Variants in SCNN1A observed in about 807,000 individuals in gnomAD.
SCNN1A encodes the protein sodium channel epithelial 1 subunit alpha.
A neutral mutation model predicts 68.6 loss-of-function variants in SCNN1A; 65 were observed. The ratio of observed to expected loss-of-function variants is 0.95; its 90% CI spans 0.78 to 1.16. The LOEUF is 1.16. Among genes scored for constraint, SCNN1A ranks in the 50% most tolerant of loss-of-function variants. The probability of loss-of-function intolerance (pLI) is 0.00; values close to 1 mark genes in which losing one functional copy is unlikely to be tolerated. For missense variants in SCNN1A, 880 were observed against 865.9 expected (o/e 1.02, Z -0.20); for synonymous variants, 357 against 353.3 (o/e 1.01, Z -0.12).
chr12:6,369,640 G>C (rs1191552719), intron 2 of SCNN1A, among the ~76,000 whole-genome samples: 1 of 152,108 alleles, frequency 6.6e-6, no homozygotes, highest in East Asian at 1.9e-4. Flanking sequence ...AGACCATCCT[G>C]GCTAACACGG....
intron 3 of SCNN1A, 58 bp downstream of exon 3, chr12:6,363,385 G>A (rs762959839): frequency 9.0e-4 from 1,290 of 1,435,602 alleles, no homozygotes; most frequent in Non-Finnish European, 1.1e-3. Context: ...GCCCATGGGT[G>A]GGCGGGGCCA....
At chr12:6,371,259 C>A (rs775463998) in intron 2 of SCNN1A, among the ~76,000 whole-genome samples, 85 of 152,012 alleles carry the variant, frequency 5.6e-4, no homozygotes, top group Middle Eastern at 6.8e-3. Flanking sequence ...GATTCACTCA[C>A]AGGGGCTCAT....
At chr12:6,363,350 G>GCGGGC in intron 3 of SCNN1A, 93 bp downstream of exon 3, 1 of 1,158,970 alleles carries the variant, frequency 8.6e-7, no homozygotes, top group Non-Finnish European at 1.2e-6. Flanking sequence ...ACTGGGCTGC[G>GCGGGC]CGGGCGGGTC....
intron 8 of SCNN1A, among the ~76,000 whole-genome samples, chr12:6,352,533 G>A (rs1308429930): frequency 6.6e-6 from 1 of 152,116 alleles, no homozygotes; most frequent in Non-Finnish European, 1.5e-5. Context: ...ACTCACAGAT[G>A]TGCAAACCCA....
chr12:6,362,692 T>C (rs988933774), intron 3 of SCNN1A, among the ~76,000 whole-genome samples: 1 of 151,794 alleles, frequency 6.6e-6, no homozygotes, highest in African/African-American at 2.4e-5. Flanking sequence ...TTCTTTCTTT[T>C]TTTTTGGCAG....
chr12:6,359,829 G>T (rs753221068), intron 4 of SCNN1A, among the ~76,000 whole-genome samples: 2 of 142,624 alleles, frequency 1.4e-5, no homozygotes, highest in Non-Finnish European at 3.0e-5. Flanking sequence ...GGAGTGCAGT[G>T]GTGCGATCTC....
chr12:6,347,780 G>T lies in SCNN1A; in HGVS notation c.*93C>A. ...TCAACGGCAGTTTGGGCGGCTCTGA[G>T]AGGAAGCCCTGCACATCCTTCAATC... is the stretch of plus-strand genomic sequence containing the variant. On this transcript the variant is annotated 3_prime_UTR_variant, in exon 13 of 13. Coordinates refer to ENST00000228916, the MANE Select transcript of SCNN1A (RefSeq NM_001038.6). The T allele has an allele frequency of 8.7e-7, 1 of 1,144,748 alleles. No individual in the cohort carries two copies. The highest frequency in any genetic ancestry group is 2.5e-5 in the East Asian group (1 of 39,808). 70.9% of individuals were successfully genotyped at this position (1,144,748 alleles called of 1,614,324 possible).
intron 3 of SCNN1A, 75 bp from the exon 4 acceptor site, chr12:6,362,316 T>G: frequency 7.7e-7 from 1 of 1,297,986 alleles, no homozygotes; most frequent in South Asian, 1.2e-5. Context: ...GGGCAAAGAA[T>G]GAGTGATCTG....
chr12:6,376,858 G>T (rs1306704240), upstream of SCNN1A, among the ~76,000 whole-genome samples: 1 of 152,196 alleles, frequency 6.6e-6, no homozygotes, highest in Non-Finnish European at 1.5e-5. Flanking sequence ...GCAGACAAAG[G>T]CCCAGCCTGA....
chr12:6,355,716 G>T, intron 5 of SCNN1A, 61 bp downstream of exon 5: 1 of 1,196,574 alleles, frequency 8.4e-7, no homozygotes, highest in Non-Finnish European at 1.3e-6. Flanking sequence ...GTGAGCTCAA[G>T]GTAAGTACAG....
chr12:6,354,426 C>T lies in SCNN1A; in HGVS notation c.1360+12G>A, dbSNP rs753510289. ...GTCAGTGGGGCAGGGTGGGGGCTCC[C>T]TGGAGTCTCACCCCAGGAACTGTGC... On this transcript the variant is annotated intron_variant, in intron 8 of 12. Transcript: ENST00000228916. 3.2e-5 allele frequency: 50 copies of T among 1,587,028 alleles called. No homozygotes were observed. The highest frequency in any genetic ancestry group is 4.2e-5 in the Non-Finnish European group (49 of 1,156,936).
intron 1 of SCNN1A, chr12:6,375,299 C>A (rs62624478): frequency 1.6e-4 from 226 of 1,438,642 alleles, no homozygotes; most frequent in Non-Finnish European, 1.9e-4. Context: ...CCTCTCCCCC[C>A]CTTGCCTTGC....
intron 2 of SCNN1A, among the ~76,000 whole-genome samples, chr12:6,368,308 G>A (rs536247837): frequency 4.2e-4 from 64 of 152,286 alleles, no homozygotes; most frequent in Admixed American, 3.5e-3. Flanking sequence ...CACAGAAAAC[G>A]GAAGTAAGGT....
chr12:6,356,078 C>A, intron 4 of SCNN1A, 198 bp from the exon 5 acceptor site: 1 of 633,178 alleles, frequency 1.6e-6, no homozygotes, highest in Non-Finnish European at 2.9e-6. Context: ...GTCACTCCAA[C>A]CAACAGCCTG....
chr12:6,377,170 CCT>C (rs1948926489), upstream of SCNN1A: 1 of 1,203,466 alleles, frequency 8.3e-7, no homozygotes, highest in Admixed American at 2.2e-5. Flanking sequence ...TCTGTGGCTT[CCT>C]CTCTTGCGGC....
Position 6,371,027 on chromosome 12 carries a change from G to A in SCNN1A, c.416+3341C>T, listed in dbSNP as rs187032875. 1.2e-3 allele frequency among the ~76,000 whole-genome samples: 177 copies of A among 152,206 alleles called. 1 individual carries two copies. The highest frequency in any genetic ancestry group is 4.0e-3 in the African/African-American group (166 of 41,524). The stretch of plus-strand genomic sequence containing the variant: ...GCTGCAGTGGCCAACCCTTCCCTTC[G>A]GACTCAGCACTTCCTTGCTTAGTCT... On this transcript the variant is annotated intron_variant, in intron 2 of 12. Transcript: ENST00000228916.
chr12:6,350,851 TA>T (rs1948375991), intron 8 of SCNN1A, among the ~76,000 whole-genome samples: 1 of 150,352 alleles, frequency 6.7e-6, no homozygotes, highest in African/African-American at 2.5e-5. Context: ...AAATAATAAA[TA>T]AATAAATAAA....
chr12:6,358,581 G>A (rs1004753788), intron 4 of SCNN1A, among the ~76,000 whole-genome samples: 20 of 144,048 alleles, frequency 1.4e-4, no homozygotes, highest in Non-Finnish European at 2.2e-4. Flanking sequence ...AATGTGGGCC[G>A]GGCGTGGTGG....
intron 4 of SCNN1A, among the ~76,000 whole-genome samples, chr12:6,358,841 C>T (rs1327359959): frequency 8.4e-6 from 1 of 119,052 alleles, no homozygotes; most frequent in African/African-American, 3.5e-5. Context: ...GCCTGGGTAA[C>T]AGAGTGAGAA....
Sources: allele counts gnomAD v4.1 joint callset (sites outside exome capture counted in the v4.1 genomes callset), GRCh38; gene constraint gnomAD v4.1.1; transcripts MANE v1.5; gene names NCBI Gene and HGNC (gene_info 2026-07-23, HGNC 2026-07-21).